SIK3: variants seen among roughly 807,000 people sequenced by gnomAD.
The protein encoded by SIK3 is SIK family kinase 3.
In SIK3, 28 loss-of-function variants were observed where a neutral mutation model predicts 144.2. That is an observed-to-expected ratio of 0.19 (90% CI 0.14 to 0.27). SIK3 has a LOEUF of 0.27. Ranked by LOEUF, SIK3 falls within the 10% of genes least tolerant of loss-of-function variation. SIK3 has a pLI of 1.00. For missense variants in SIK3, 1,319 were observed against 1,776.0 expected, an observed-to-expected ratio of 0.74 and a Z score of 4.62; for synonymous variants, 686 against 676.3, an observed-to-expected ratio of 1.01 and a Z score of -0.22.
intron 6 of SIK3, among the ~76,000 whole-genome samples, chr11:116,889,257 A>C (rs1291401805): frequency 6.6e-6 from 1 of 152,254 alleles, no homozygotes; most frequent in African/African-American, 2.4e-5. Flanking sequence ...AGCTCAAATT[A>C]GATTAAGTAA....
intron 1 of SIK3, among the ~76,000 whole-genome samples, chr11:117,055,280 G>A (rs7108912): frequency 0.37 from 56,673 of 152,100 alleles, 12,904 homozygotes; most frequent in African/African-American, 0.65. Context: ...TAACTATACT[G>A]TTGTTACTAT....
At chr11:116,859,083 T>C (rs1943157091) in intron 20 of SIK3, among the ~76,000 whole-genome samples, 182 bp downstream of exon 20, 1 of 152,180 alleles carries the variant, frequency 6.6e-6, no homozygotes, top group Non-Finnish European at 1.5e-5. Context: ...ATTTTAACCC[T>C]GGGTCAATAA....
intron 3 of SIK3, among the ~76,000 whole-genome samples, chr11:116,938,259 AGAGAGGAGAGGAGAGGAGAG>A (rs1188897295): frequency 2.4e-4 from 3 of 12,392 alleles, no homozygotes; most frequent in African/African-American, 1.1e-3. Flanking sequence ...AGAGGGGAGA[AGAGAGGAGAGGAGAGGAGAG>A]GAGAGGAGAG....
intron 1 of SIK3, among the ~76,000 whole-genome samples, chr11:117,080,510 T>C (rs990448092): frequency 4.6e-5 from 7 of 152,202 alleles, no homozygotes; most frequent in Non-Finnish European, 1.0e-4. Context: ...CTAAATAAAA[T>C]TCTTTTATTT....
intron 3 of SIK3, among the ~76,000 whole-genome samples, chr11:116,941,067 C>T (rs1324875750): frequency 1.3e-5 from 2 of 152,006 alleles, no homozygotes; most frequent in Non-Finnish European, 2.9e-5. Flanking sequence ...AGTGCAGTGG[C>T]GCAATCTCGG....
intron 6 of SIK3, among the ~76,000 whole-genome samples, chr11:116,878,969 G>A (rs1278343564): frequency 6.6e-6 from 1 of 152,050 alleles, no homozygotes; most frequent in Non-Finnish European, 1.5e-5. Context: ...TGATTTCTTT[G>A]GGAAACCATC....
chr11:116,889,734 AAAAAATAC>A (rs1945005373), intron 6 of SIK3, among the ~76,000 whole-genome samples: 1 of 152,180 alleles, frequency 6.6e-6, no homozygotes, highest in South Asian at 2.1e-4. Context: ...CATCTCTACA[AAAAAATAC>A]AAAAATTAGG....
At chr11:117,059,916 G>A (rs1953717332) in intron 1 of SIK3, among the ~76,000 whole-genome samples, 1 of 152,170 alleles carries the variant, frequency 6.6e-6, no homozygotes, top group Admixed American at 6.5e-5. Flanking sequence ...AAGCAAAATA[G>A]TACAGCCACT....
intron 6 of SIK3, among the ~76,000 whole-genome samples, chr11:116,877,591 T>C (rs1263353073): frequency 6.6e-6 from 1 of 152,200 alleles, no homozygotes; most frequent in Non-Finnish European, 1.5e-5. Flanking sequence ...GCTAGCCTTA[T>C]TTATCATTTT....
chr11:117,082,693 T>G (rs1383608214), intron 1 of SIK3, among the ~76,000 whole-genome samples: 1 of 152,180 alleles, frequency 6.6e-6, no homozygotes, highest in South Asian at 2.1e-4. Flanking sequence ...TGTTCTAAAA[T>G]GTATTATAGT....
chr11:116,900,034 C>T (rs1009120106), intron 4 of SIK3, among the ~76,000 whole-genome samples: 3 of 152,126 alleles, frequency 2.0e-5, no homozygotes, highest in Non-Finnish European at 2.9e-5. Flanking sequence ...CTTTTAATCT[C>T]GCTACTTCTA....
At chr11:117,002,135 A>G (rs1950875231) in intron 1 of SIK3, among the ~76,000 whole-genome samples, 1 of 152,116 alleles carries the variant, frequency 6.6e-6, no homozygotes, top group Non-Finnish European at 1.5e-5. Context: ...TCCTTTCCCC[A>G]CTTTTAAAGT....
intron 2 of SIK3, among the ~76,000 whole-genome samples, chr11:116,955,627 G>A (rs1039749641): frequency 3.3e-5 from 5 of 152,082 alleles, no homozygotes; most frequent in African/African-American, 9.7e-5. Flanking sequence ...ATTTAAAGAT[G>A]ATTTATTTTA....
intron 6 of SIK3, among the ~76,000 whole-genome samples, chr11:116,879,835 A>G (rs1944457998): frequency 6.6e-6 from 1 of 152,256 alleles, no homozygotes; most frequent in Admixed American, 6.5e-5. Flanking sequence ...TTACATTTCC[A>G]GAGTAGTAAG....
chr11:116,977,007 A>T (rs891839685), intron 1 of SIK3, among the ~76,000 whole-genome samples: 3 of 152,202 alleles, frequency 2.0e-5, no homozygotes, highest in Non-Finnish European at 2.9e-5. Context: ...CTTTTTAAAA[A>T]GGGCTGAGGT....
chr11:117,027,187 T>C (rs1047812735), intron 1 of SIK3, among the ~76,000 whole-genome samples: 10 of 152,230 alleles, frequency 6.6e-5, no homozygotes, highest in African/African-American at 2.4e-4. Flanking sequence ...TTAAAGGTTA[T>C]AGTAGCATTT....
In SIK3 at chr11:117,098,240, A is replaced by G. The variant is rs1955570361; in HGVS notation, c.176T>C (p.Met59Thr). 1.3e-6 allele frequency: 2 copies of G among 1,482,682 alleles called. No homozygotes were observed. The highest frequency in any genetic ancestry group is 1.5e-5 in the African/African-American group (1 of 68,044). 91.8% of individuals were successfully genotyped at this position (1,482,682 alleles called of 1,614,324 possible). ...RPPAPASRGPMPARIGYYEID... is the reference protein window; with the variant it reads ...RPPAPASRGPTPARIGYYEID... Reference sequence around the variant, plus strand: ...CTCGTAGTAGCCGATACGGGCGGGCATGGGTCCGCGGGAGGCCGGGGCTGG... The same window carrying G: ...CTCGTAGTAGCCGATACGGGCGGGCGTGGGTCCGCGGGAGGCCGGGGCTGG... Residue 59 changes from methionine (M) to threonine (T), a missense_variant, in exon 1 of 25, where the codon ATG becomes ACG. Met to Thr is a moderately conservative substitution (Grantham distance 81). This residue lies in a region of SIK3 where 114 missense variants were observed against 116.2 expected (regional missense o/e 0.98). Coordinates refer to ENST00000445177, the MANE Select transcript of SIK3 (RefSeq NM_001366686.3).
At position 116,938,905 on chromosome 11, in the gene SIK3, A is replaced by C. The variant is rs185786220; in HGVS notation, c.455-11525T>G. Among the ~76,000 whole-genome samples, 179 of 152,304 alleles carry C rather than the reference A, an allele frequency of 1.2e-3. 1 individual carries two copies. Among genetic ancestry groups the C allele is most frequent in the African/African-American group, 4.3e-3 (177 of 41,560 alleles). On this transcript the variant is annotated intron_variant, in intron 3 of 24. Transcript: ENST00000445177. ...AAGCACATAAAATATACTAAAATCC[A>C]TAATTGCATAATTATGTTACAAAAT...
At chr11:117,011,510 T>C (rs1486134442) in intron 1 of SIK3, among the ~76,000 whole-genome samples, 2 of 148,924 alleles carry the variant, frequency 1.3e-5, no homozygotes, top group Non-Finnish European at 3.0e-5. Flanking sequence ...CTACAGAAAT[T>C]AAACGGAAAT....
Sources: gnomAD v4.1 joint callset for allele counts (sites outside exome capture counted in the v4.1 genomes callset) on GRCh38, gnomAD v4.1.1 for gene constraint, gnomAD v4.1.1 regional missense constraint, MANE v1.5 for transcripts, NCBI Gene and HGNC (gene_info 2026-07-23, HGNC 2026-07-21) for gene names.